TC2N: variants seen among roughly 807,000 people sequenced by gnomAD.
The protein encoded by TC2N is tandem C2 domains nuclear protein.
Under a neutral mutation model 61.9 loss-of-function variants are expected in TC2N, and 51 were observed. The observed-to-expected ratio is 0.82, with a 90% CI of 0.66 to 1.04. The LOEUF (loss-of-function observed/expected upper bound fraction) is 1.04, where lower values mean the gene tolerates loss of function less well. TC2N is among the 50% of genes least tolerant of loss of function. TC2N has a pLI of 0.00. For synonymous variants in TC2N, 204 were observed against 192.6 expected (o/e 1.06, Z -0.49); for missense variants, 556 against 566.7 (o/e 0.98, Z 0.19).
chr14:91,859,922 T>C (rs1208514559), intron 1 of TC2N, among the ~76,000 whole-genome samples: 3 of 152,006 alleles, frequency 2.0e-5, no homozygotes, highest in East Asian at 3.9e-4. Flanking sequence ...GAGGGGAAAG[T>C]GGTAGGAGCT....
chr14:91,784,385 A>T (rs1448701629), intron 11 of TC2N, among the ~76,000 whole-genome samples: 1 of 152,166 alleles, frequency 6.6e-6, no homozygotes, highest in Admixed American at 6.5e-5. Context: ...TATTTTACGT[A>T]AAAATATATA....
At chr14:91,855,520 T>G (rs980390628) in intron 1 of TC2N, among the ~76,000 whole-genome samples, 1 of 152,252 alleles carries the variant, frequency 6.6e-6, no homozygotes, top group African/African-American at 2.4e-5. Flanking sequence ...TATCTTTGTG[T>G]GTCCTCTTGT....
intron 8 of TC2N, 21 bp downstream of exon 8, chr14:91,797,764 C>T (rs766017414): frequency 2.2e-6 from 3 of 1,343,068 alleles, no homozygotes; most frequent in African/African-American, 3.0e-5. Context: ...AAAAGAAATT[C>T]AAATACAAAC....
intron 1 of TC2N, among the ~76,000 whole-genome samples, chr14:91,854,692 G>A (rs1888448592): frequency 6.6e-6 from 1 of 152,202 alleles, no homozygotes; most frequent in South Asian, 2.1e-4. Context: ...GAAGCACCCA[G>A]GGAAGCATTC....
At chr14:91,805,663 CAA>C (rs530251030) in intron 3 of TC2N, among the ~76,000 whole-genome samples, 1 of 127,692 alleles carries the variant, frequency 7.8e-6, no homozygotes, top group Non-Finnish European at 1.7e-5. Context: ...GACTCCGTTT[CAA>C]AAAAAAAAAA....
intron 1 of TC2N, among the ~76,000 whole-genome samples, chr14:91,832,392 A>AAC (rs1887817730): frequency 6.6e-6 from 1 of 151,480 alleles, no homozygotes; most frequent in Non-Finnish European, 1.5e-5. Context: ...CTCCGTCTCA[A>AAC]AAAAAAAAAA....
At chr14:91,855,135 A>G (rs1157857861) in intron 1 of TC2N, among the ~76,000 whole-genome samples, 1 of 152,110 alleles carries the variant, frequency 6.6e-6, no homozygotes, top group African/African-American at 2.4e-5. Flanking sequence ...TTGAAGTGGG[A>G]ACCAGTGGAA....
At chr14:91,792,178 TG>T (rs1555368813) in intron 9 of TC2N, among the ~76,000 whole-genome samples, 188 bp downstream of exon 9, 6 of 150,856 alleles carry the variant, frequency 4.0e-5, no homozygotes, top group Non-Finnish European at 7.4e-5. Context: ...TATTTTCCAA[TG>T]GAGAAAGAAA....
intron 10 of TC2N, among the ~76,000 whole-genome samples, 196 bp from the exon 11 acceptor site, chr14:91,785,557 T>A (rs1441340424): frequency 6.6e-6 from 1 of 152,098 alleles, no homozygotes; most frequent in Non-Finnish European, 1.5e-5. Context: ...TGGCCATACT[T>A]TACTACTGTA....
intron 3 of TC2N, among the ~76,000 whole-genome samples, chr14:91,805,153 A>G (rs1210127158): frequency 1.3e-5 from 2 of 152,172 alleles, no homozygotes; most frequent in Admixed American, 6.5e-5. Context: ...AAAAGTTCCT[A>G]TGGTCTAGTG....
In TC2N at chr14:91,802,283, C is replaced by A. The variant is rs756558535; in HGVS notation, c.440G>T (p.Arg147Leu). 6.3e-7 allele frequency: 1 copy of A among 1,597,636 alleles called. No individual in the cohort carries two copies. The highest frequency in any genetic ancestry group is 1.1e-5 in the South Asian group (1 of 87,430). The change falls in exon 4 of 12, where the codon CGT (arginine) becomes CTT (leucine). Residue 147 changes from arginine to leucine, a missense_variant. Arg to Leu is a moderately radical substitution (Grantham distance 102). Coordinates refer to ENST00000435962, the MANE Select transcript of TC2N (RefSeq NM_001128596.3). Reference protein sequence around the residue: ...SPDLSRRFPPRSEVKRLYGSV... With the variant: ...SPDLSRRFPPLSEVKRLYGSV... ...TCCATACAGTCTCTTCACTTCTGAACGGGGAGGAAAGCGTCGACTCAAATC... is the reference window on the plus strand; with the variant it reads ...TCCATACAGTCTCTTCACTTCTGAAAGGGGAGGAAAGCGTCGACTCAAATC...
Position 91,792,465 on chromosome 14 carries a change from T to C in TC2N, c.949A>G (p.Arg317Gly), listed in dbSNP as rs974985910. 1.2e-5 allele frequency: 20 copies of C among 1,611,676 alleles called. No individual in the cohort carries two copies. The highest frequency in any genetic ancestry group is 1.7e-5 in the Non-Finnish European group (20 of 1,178,330). ...LVFKIQTQTP[R>G]KKTIGECSMS... ...GAGCATTCTCCAATGGTTTTCTTCC[T>C]GGGAGTCTGGGTTTGAATCTTAAAT... The change falls in exon 9 of 12, where the codon AGG becomes GGG. Residue 317 changes from arginine (R) to glycine (G), a missense_variant. Transcript: ENST00000435962.
Position 91,798,975 on chromosome 14 carries a change from A to C in TC2N, c.637+14T>G. The C allele has an allele frequency of 6.4e-7, 1 of 1,555,676 alleles. No homozygotes were observed. Among genetic ancestry groups the C allele is most frequent in the South Asian group, 1.1e-5 (1 of 88,350 alleles). ...TATCTTAAGAGTATAAAAGTAGGAT[A>C]CTTTATTCCTTACCCAGGCTTCTGT... On this transcript the variant is annotated intron_variant, in intron 6 of 11. Coordinates refer to ENST00000435962, the MANE Select transcript of TC2N (RefSeq NM_001128596.3).
intron 1 of TC2N, among the ~76,000 whole-genome samples, chr14:91,859,134 C>T (rs536410744): frequency 1.8e-4 from 27 of 152,258 alleles, no homozygotes; most frequent in Admixed American, 7.8e-4. Context: ...CCCCAGAGCT[C>T]GGTCTCTAGC....
chr14:91,838,496 A>G (rs548242719), intron 1 of TC2N, among the ~76,000 whole-genome samples: 2 of 152,328 alleles, frequency 1.3e-5, no homozygotes, highest in Non-Finnish European at 2.9e-5. Context: ...CACTAGATTC[A>G]TGTGTTAGTT....
At chr14:91,845,120 C>T (rs1056041327) in intron 1 of TC2N, among the ~76,000 whole-genome samples, 6 of 151,862 alleles carry the variant, frequency 4.0e-5, no homozygotes, top group African/African-American at 7.3e-5. Context: ...CCCAGCTACT[C>T]GGGAGGCTGA....
At chr14:91,802,495 G>C (rs573758237) in intron 3 of TC2N, 74 bp from the exon 4 acceptor site, 1 of 1,379,390 alleles carries the variant, frequency 7.2e-7, no homozygotes, top group Admixed American at 2.3e-5. Flanking sequence ...GTACACCCAG[G>C]GTAAAAGAAA....
chr14:91,780,216 T>A lies in TC2N; in HGVS notation c.*2884A>T, dbSNP rs940965862. 3.2e-4 allele frequency: 49 copies of A among 152,364 alleles called. No individual in the cohort carries two copies. The highest frequency in any genetic ancestry group is 1.1e-3 in the African/African-American group (47 of 41,594). The allele number at this position is 152,364 out of a possible 1,614,324, so 9.4% of individuals were successfully genotyped here. A position where few individuals can be genotyped will look rare whatever the true frequency, so the allele number is the denominator to read the frequency against. ...CAATTACTGCTATGCTATCAAAAGC[T>A]GACATTTATTACAAATTTCTGAAAT... On this transcript the variant is annotated 3_prime_UTR_variant, in exon 12 of 12. Transcript: ENST00000435962.
Position 91,837,398 on chromosome 14 carries a change from T to C in TC2N, c.-56-23573A>G, listed in dbSNP as rs1888065951. Among the ~76,000 whole-genome samples, 1 of 152,128 alleles carries C rather than the reference T, an allele frequency of 6.6e-6. No individual in the cohort carries two copies. Among genetic ancestry groups the C allele is most frequent in the Admixed American group, 6.5e-5 (1 of 15,278 alleles). On this transcript the variant is annotated intron_variant, in intron 1 of 11. Transcript: ENST00000435962. This position sits in a 1 kb window ranked among gnomAD's most constrained non-coding sequence, Gnocchi z 4.2. ...GCATGCCAGGCTAATTTTTTAATTT[T>C]TTGTAGAGATGAAGTCTTATTATAT...
Sources: gnomAD v4.1 joint callset for allele counts (sites outside exome capture counted in the v4.1 genomes callset) on GRCh38, gnomAD v4.1.1 for gene constraint, Gnocchi (gnomAD v3.1) non-coding constraint, MANE v1.5 for transcripts, NCBI Gene and HGNC (gene_info 2026-07-23, HGNC 2026-07-21) for gene names.